Variants in SLC1A2 observed in about 807,000 individuals in gnomAD.
The protein encoded by SLC1A2 is solute carrier family 1 member 2.
Under a neutral mutation model 48.8 loss-of-function variants are expected in SLC1A2, and 15 were observed. The ratio of observed to expected loss-of-function variants is 0.31; its 90% CI spans 0.21 to 0.47. The LOEUF is 0.47. SLC1A2 is among the 20% of genes least tolerant of loss of function. The probability of loss-of-function intolerance (pLI) is 0.99; values close to 1 mark genes in which losing one functional copy is unlikely to be tolerated. For synonymous variants in SLC1A2, 279 were observed against 272.6 expected (o/e 1.02, Z -0.23); for missense variants, 502 against 730.5 (o/e 0.69, Z 3.61).
chr11:35,373,263 G>T (rs1313540799), intron 1 of SLC1A2, among the ~76,000 whole-genome samples: 1 of 152,214 alleles, frequency 6.6e-6, no homozygotes, highest in Admixed American at 6.5e-5. Flanking sequence ...TGCAGGAGCA[G>T]CTGCCCTTTC....
intron 1 of SLC1A2, among the ~76,000 whole-genome samples, chr11:35,418,040 C>A (rs1015414891): frequency 1.3e-5 from 2 of 152,186 alleles, no homozygotes; most frequent in Middle Eastern, 3.2e-3. Context: ...AAGGGCTGAG[C>A]TGCCCAGTCT....
chr11:35,357,976 C>G (rs898829759), intron 1 of SLC1A2, among the ~76,000 whole-genome samples: 2 of 152,094 alleles, frequency 1.3e-5, no homozygotes, highest in Admixed American at 6.5e-5. Flanking sequence ...AAAACCCCGT[C>G]TCTACCAAAA....
At chr11:35,304,473 G>T (rs1277982882) in intron 5 of SLC1A2, among the ~76,000 whole-genome samples, 4 of 152,076 alleles carry the variant, frequency 2.6e-5, no homozygotes, top group African/African-American at 9.7e-5. Flanking sequence ...GGGTGCTGGG[G>T]ATATTTGCAA....
chr11:35,379,419 T>G (rs935001364), intron 1 of SLC1A2, among the ~76,000 whole-genome samples: 2 of 151,586 alleles, frequency 1.3e-5, no homozygotes, highest in Non-Finnish European at 2.9e-5. Flanking sequence ...AATACAGACT[T>G]TTTTTTAAGC....
chr11:35,305,998 A>T, intron 5 of SLC1A2, 76 bp downstream of exon 5: 1 of 1,365,294 alleles, frequency 7.3e-7, no homozygotes, highest in Non-Finnish European at 1.0e-6. Context: ...CTGAGTCATC[A>T]GTTTTCTGAA....
At position 35,253,799 on chromosome 11, in the gene SLC1A2, G is replaced by A. The variant is rs573226246; in HGVS notation, c.*7095C>T. The A allele has an allele frequency of 1.3e-5, 2 of 152,692 alleles. No homozygotes were observed. The highest frequency in any genetic ancestry group is 1.3e-4 in the Admixed American group (2 of 15,288). 9.5% of individuals were successfully genotyped at this position (152,692 alleles called of 1,614,324 possible). A position where few individuals can be genotyped will look rare whatever the true frequency, so the allele number is the denominator to read the frequency against. On this transcript the variant is annotated 3_prime_UTR_variant, in exon 11 of 11. Coordinates refer to ENST00000278379, the MANE Select transcript of SLC1A2 (RefSeq NM_004171.4). The stretch of plus-strand genomic sequence containing the variant: ...ATAATTCTACATGTGTGGTTACATA[G>A]AAAATACTGTAAGAAAATATGTCTG...
At chr11:35,409,607 C>G (rs1229309540) in intron 1 of SLC1A2, among the ~76,000 whole-genome samples, 1 of 152,168 alleles carries the variant, frequency 6.6e-6, no homozygotes, top group Admixed American at 6.5e-5. Flanking sequence ...ATGTGAGACA[C>G]AGCTAAAGCT....
At chr11:35,416,291 C>A (rs1412443472) in intron 1 of SLC1A2, among the ~76,000 whole-genome samples, 1 of 152,204 alleles carries the variant, frequency 6.6e-6, no homozygotes, top group Non-Finnish European at 1.5e-5. Flanking sequence ...TCTGCACCAG[C>A]CATGCCCAGC....
chr11:35,376,973 G>T (rs558838341), intron 1 of SLC1A2, among the ~76,000 whole-genome samples: 10 of 152,332 alleles, frequency 6.6e-5, no homozygotes, highest in African/African-American at 2.4e-4. Flanking sequence ...CAGAAATGCA[G>T]CTGGTACTAT....
intron 3 of SLC1A2, 146 bp from the exon 4 acceptor site, chr11:35,312,594 A>C (rs1368253836): frequency 4.0e-6 from 4 of 989,212 alleles, no homozygotes; most frequent in Admixed American, 2.6e-5. Context: ...CTCAATATCC[A>C]TGAGAGGGTT....
Position 35,280,914 on chromosome 11 carries a change from G to A in SLC1A2, c.1374C>T (p.Gly458=). The A allele has an allele frequency of 6.2e-7, 1 of 1,613,266 alleles. No individual in the cohort carries two copies. The highest frequency in any genetic ancestry group is 8.5e-7 in the Non-Finnish European group (1 of 1,179,768). Residue 458 remains glycine, a synonymous_variant, in exon 9 of 11, where the codon GGC becomes GGT. Coordinates refer to ENST00000278379, the MANE Select transcript of SLC1A2 (RefSeq NM_004171.4). ...VTMLLILTAV[G]LPTEDISLLV... is the part of the protein sequence containing the mutation. Reference sequence around the variant, plus strand: ...GCAGGCTGATGTCCTCTGTTGGCAGGCCCACGGCTGTCAGAATGAGGAGCA... The same window carrying A: ...GCAGGCTGATGTCCTCTGTTGGCAGACCCACGGCTGTCAGAATGAGGAGCA...
intron 1 of SLC1A2, among the ~76,000 whole-genome samples, chr11:35,335,815 G>A (rs1325899422): frequency 6.6e-6 from 1 of 151,720 alleles, no homozygotes; most frequent in East Asian, 1.9e-4. Flanking sequence ...ACAAAAATTA[G>A]GTAGTCTCAT....
intron 8 of SLC1A2, chr11:35,286,542 G>A (rs1850825216): frequency 2.5e-6 from 1 of 401,248 alleles, no homozygotes; most frequent in Non-Finnish European, 4.5e-6. Context: ...TCTAAAGCAA[G>A]TTGACATGTG....
intron 7 of SLC1A2, among the ~76,000 whole-genome samples, chr11:35,288,004 T>C (rs1850880544): frequency 6.6e-6 from 1 of 152,186 alleles, no homozygotes; most frequent in Non-Finnish European, 1.5e-5. Context: ...TTACAGCTTT[T>C]GTCAAAGTTT....
intron 1 of SLC1A2, among the ~76,000 whole-genome samples, chr11:35,337,372 C>T (rs78640408): frequency 0.019 from 2,834 of 152,244 alleles, 40 homozygotes; most frequent in Non-Finnish European, 0.029. Context: ...TGTTTTCAAA[C>T]GTGGCGAGAG....
intron 1 of SLC1A2, among the ~76,000 whole-genome samples, chr11:35,397,985 T>C (rs989894626): frequency 1.3e-5 from 2 of 152,180 alleles, no homozygotes; most frequent in African/African-American, 4.8e-5. Flanking sequence ...ACAAAGCATA[T>C]TGTGAGATAT....
At chr11:35,395,909 G>A (rs1854943356) in intron 1 of SLC1A2, among the ~76,000 whole-genome samples, 1 of 142,780 alleles carries the variant, frequency 7.0e-6, no homozygotes, top group South Asian at 2.3e-4. Context: ...TCCCACCTAT[G>A]AGTGAGAATA....
At chr11:35,405,364 A>T (rs980963841) in intron 1 of SLC1A2, among the ~76,000 whole-genome samples, 27 of 152,158 alleles carry the variant, frequency 1.8e-4, no homozygotes, top group Admixed American at 8.5e-4. Flanking sequence ...TTTAACAACA[A>T]CGTTGTCTGC....
At chr11:35,370,281 G>A (rs1010044095) in intron 1 of SLC1A2, among the ~76,000 whole-genome samples, 1 of 152,168 alleles carries the variant, frequency 6.6e-6, no homozygotes, top group Non-Finnish European at 1.5e-5. Flanking sequence ...CTGGGGCTAG[G>A]TTTATGTGAT....
Sources: gnomAD v4.1 joint callset for allele counts (sites outside exome capture counted in the v4.1 genomes callset) on GRCh38, gnomAD v4.1.1 for gene constraint, MANE v1.5 for transcripts, NCBI Gene and HGNC (gene_info 2026-07-23, HGNC 2026-07-21) for gene names.